The following HS6ST3 variants were observed in gnomAD, a reference collection of about 807,000 sequenced individuals.
HS6ST3 encodes the protein heparan-sulfate 6-O-sulfotransferase 3.
In HS6ST3, 12 loss-of-function variants were observed where a neutral mutation model predicts 36.7. That is an observed-to-expected ratio of 0.33 (90% CI 0.21 to 0.53). The LOEUF (loss-of-function observed/expected upper bound fraction) is 0.53, where lower values mean the gene tolerates loss of function less well. Among genes scored for constraint, HS6ST3 ranks in the 20% least tolerant of loss-of-function variants. The pLI is 0.95. For synonymous variants in HS6ST3, 240 were observed against 257.5 expected (o/e 0.93, Z 0.65); for missense variants, 584 against 640.9 (o/e 0.91, Z 0.96).
At chr13:96,159,301 G>C (rs1228583153) in intron 1 of HS6ST3, among the ~76,000 whole-genome samples, 1 of 152,180 alleles carries the variant, frequency 6.6e-6, no homozygotes, top group Non-Finnish European at 1.5e-5. Flanking sequence ...TTGCCTGAGG[G>C]AGCAGTGGTA....
At chr13:96,416,972 G>C (rs1430333679) in intron 1 of HS6ST3, among the ~76,000 whole-genome samples, 2 of 151,970 alleles carry the variant, frequency 1.3e-5, no homozygotes, top group Non-Finnish European at 2.9e-5. Context: ...GGATGGTCTC[G>C]ATCTCTAGAC....
chr13:96,317,205 G>C (rs1228275403), intron 1 of HS6ST3, among the ~76,000 whole-genome samples: 4 of 151,252 alleles, frequency 2.6e-5, no homozygotes, highest in Admixed American at 2.6e-4. Context: ...TTATGAGTGA[G>C]AATATGCAAT....
intron 1 of HS6ST3, among the ~76,000 whole-genome samples, chr13:96,474,614 G>A (rs1003149589): frequency 6.6e-5 from 10 of 151,956 alleles, no homozygotes; most frequent in Non-Finnish European, 1.3e-4. Context: ...AATGTAATAC[G>A]TTAATAATTT....
chr13:96,374,849 T>C (rs1193757509), intron 1 of HS6ST3, among the ~76,000 whole-genome samples: 1 of 151,632 alleles, frequency 6.6e-6, no homozygotes, highest in Non-Finnish European at 1.5e-5. Flanking sequence ...ACTCCAAAAT[T>C]CTATTAATAT....
chr13:96,830,323 C>T (rs1459942837), intron 1 of HS6ST3, among the ~76,000 whole-genome samples: 1 of 152,120 alleles, frequency 6.6e-6, no homozygotes, highest in African/African-American at 2.4e-5. Flanking sequence ...TCAGGCACAC[C>T]ACCATTTATC....
chr13:96,276,776 T>C (rs2054750593), intron 1 of HS6ST3, among the ~76,000 whole-genome samples: 1 of 152,196 alleles, frequency 6.6e-6, no homozygotes, highest in African/African-American at 2.4e-5. Context: ...CAGAATCATC[T>C]GGGGTGATTT....
At chr13:96,513,006 G>A (rs1199659567) in intron 1 of HS6ST3, among the ~76,000 whole-genome samples, 1 of 151,846 alleles carries the variant, frequency 6.6e-6, no homozygotes, top group Non-Finnish European at 1.5e-5. Flanking sequence ...TTATACGCTT[G>A]AGAATATCTT....
intron 1 of HS6ST3, among the ~76,000 whole-genome samples, chr13:96,583,746 G>A (rs571697704): frequency 2.0e-5 from 3 of 152,040 alleles, no homozygotes; most frequent in African/African-American, 2.4e-5. Flanking sequence ...TTGTTCATAC[G>A]GCTCTTTATC....
chr13:96,110,724 G>A (rs575104690), intron 1 of HS6ST3, among the ~76,000 whole-genome samples: 19 of 152,162 alleles, frequency 1.2e-4, no homozygotes, highest in Middle Eastern at 3.4e-3. Context: ...ACGCCTGGCC[G>A]GGGATCACAT....
At chr13:96,611,878 G>A (rs1720933225) in intron 1 of HS6ST3, among the ~76,000 whole-genome samples, 1 of 152,200 alleles carries the variant, frequency 6.6e-6, no homozygotes, top group Admixed American at 6.5e-5. Flanking sequence ...ACTGGACAAA[G>A]TAAGCAGGGG....
At chr13:96,160,076 T>C (rs1043781209) in intron 1 of HS6ST3, among the ~76,000 whole-genome samples, 2 of 152,248 alleles carry the variant, frequency 1.3e-5, no homozygotes, top group African/African-American at 4.8e-5. Context: ...GCTAGGCATG[T>C]AGTAAGCACT....
At chr13:96,782,853 C>T (rs1215438130) in intron 1 of HS6ST3, among the ~76,000 whole-genome samples, 1 of 152,058 alleles carries the variant, frequency 6.6e-6, no homozygotes, top group Non-Finnish European at 1.5e-5. Context: ...AAAGCCTCCT[C>T]CTCCCAGAAA....
chr13:96,392,779 G>T (rs1203174351), intron 1 of HS6ST3, among the ~76,000 whole-genome samples: 1 of 152,220 alleles, frequency 6.6e-6, no homozygotes, highest in African/African-American at 2.4e-5. Flanking sequence ...GGAGGAAGCA[G>T]ACCCCTCAGG....
intron 1 of HS6ST3, among the ~76,000 whole-genome samples, chr13:96,197,193 A>G (rs1187380400): frequency 6.6e-6 from 1 of 152,214 alleles, no homozygotes; most frequent in Non-Finnish European, 1.5e-5. Flanking sequence ...GAAGAAAAAG[A>G]GGTTTAATTG....
chr13:96,811,732 T>C (rs1243490802), intron 1 of HS6ST3, among the ~76,000 whole-genome samples: 1 of 152,204 alleles, frequency 6.6e-6, no homozygotes, highest in African/African-American at 2.4e-5. Context: ...ATTTAGTCTT[T>C]TATCACCAAA....
chr13:96,258,552 T>C (rs774519102), intron 1 of HS6ST3, among the ~76,000 whole-genome samples: 3 of 152,144 alleles, frequency 2.0e-5, no homozygotes, highest in Non-Finnish European at 2.9e-5. Context: ...CAGCCCCTCA[T>C]ACAGTCAGAG....
At chr13:96,563,585 G>C (rs2056270420) in intron 1 of HS6ST3, among the ~76,000 whole-genome samples, 1 of 152,174 alleles carries the variant, frequency 6.6e-6, no homozygotes, top group African/African-American at 2.4e-5. Flanking sequence ...AATCCCAAGT[G>C]TATAAGAAAG....
chr13:96,489,612 C>A (rs543783358), intron 1 of HS6ST3, among the ~76,000 whole-genome samples: 35 of 151,882 alleles, frequency 2.3e-4, no homozygotes, highest in African/African-American at 8.4e-4. Flanking sequence ...CATATCATGT[C>A]TCTTTCTTTC....
chr13:96,462,798 A>G lies in HS6ST3; in HGVS notation c.708-369692A>G, dbSNP rs73556340. On this transcript the variant is annotated intron_variant, in intron 1 of 1. Transcript: ENST00000376705. Reference sequence around the variant, plus strand: ...AATGTATGTATCTGTGTGTCTATGTATGTTTGTATCTATCTATCTAAATGA... The same window carrying G: ...AATGTATGTATCTGTGTGTCTATGTGTGTTTGTATCTATCTATCTAAATGA... 8.9e-3 allele frequency among the ~76,000 whole-genome samples: 1,357 copies of G among 152,334 alleles called. 28 individuals carry two copies. The highest frequency in any genetic ancestry group is 0.031 in the African/African-American group (1,305 of 41,568).
Sources: gnomAD v4.1 joint callset for allele counts (sites outside exome capture counted in the v4.1 genomes callset) on GRCh38, gnomAD v4.1.1 for gene constraint, MANE v1.5 for transcripts, NCBI Gene and HGNC (gene_info 2026-07-23, HGNC 2026-07-21) for gene names.